MGAT5: variants seen among roughly 807,000 people sequenced by gnomAD.
MGAT5 encodes the protein alpha-1,6-mannosylglycoprotein 6-beta-N-acetylglucosaminyltransferase A.
Under a neutral mutation model 94.3 loss-of-function variants are expected in MGAT5, and 30 were observed. That is an observed-to-expected ratio of 0.32 (90% CI 0.24 to 0.43). The LOEUF is 0.43. MGAT5 is among the 20% of genes least tolerant of loss of function. The probability of loss-of-function intolerance (pLI) is 1.00; values close to 1 mark genes in which losing one functional copy is unlikely to be tolerated. For synonymous variants in MGAT5, 310 were observed against 322.9 expected, an observed-to-expected ratio of 0.96 and a Z score of 0.43; for missense variants, 691 against 905.5, an observed-to-expected ratio of 0.76 and a Z score of 3.04.
intron 1 of MGAT5, among the ~76,000 whole-genome samples, chr2:134,236,541 T>TC (rs796262924): frequency 4.6e-5 from 7 of 151,822 alleles, no homozygotes; most frequent in South Asian, 4.2e-4. Flanking sequence ...ATAGGGACCT[T>TC]CCCCCCCCTT....
intron 2 of MGAT5, among the ~76,000 whole-genome samples, chr2:134,273,878 G>T (rs1684185193): frequency 1.3e-5 from 2 of 152,184 alleles, no homozygotes; most frequent in African/African-American, 4.8e-5. Flanking sequence ...TGAAAAAGCA[G>T]ATTTTTAAAA....
intron 1 of MGAT5, among the ~76,000 whole-genome samples, chr2:134,142,638 G>A (rs1049745578): frequency 3.3e-5 from 5 of 152,214 alleles, no homozygotes; most frequent in African/African-American, 4.8e-5. Flanking sequence ...GGCCTTCTGC[G>A]TTTTTATTGG....
chr2:134,158,797 C>G (rs1338336496), intron 1 of MGAT5, among the ~76,000 whole-genome samples: 2 of 152,192 alleles, frequency 1.3e-5, no homozygotes, highest in African/African-American at 2.4e-5. Flanking sequence ...ATGGATCCCC[C>G]CAAAGAGCTT....
chr2:134,238,892 G>A (rs1432882520), intron 1 of MGAT5, among the ~76,000 whole-genome samples: 5 of 152,160 alleles, frequency 3.3e-5, no homozygotes, highest in South Asian at 2.1e-4. Context: ...GCGGTGAGCC[G>A]AGATCATGCC....
chr2:134,135,360 A>T (rs541708468), intron 1 of MGAT5, among the ~76,000 whole-genome samples: 6 of 152,264 alleles, frequency 3.9e-5, no homozygotes, highest in Admixed American at 3.9e-4. Flanking sequence ...TAGACTAATG[A>T]TTCAGCTGAA....
chr2:134,208,154 T>A (rs1680110134), intron 1 of MGAT5, among the ~76,000 whole-genome samples: 1 of 152,192 alleles, frequency 6.6e-6, no homozygotes, highest in Non-Finnish European at 1.5e-5. Flanking sequence ...TTTTTTTTTT[T>A]TAAGCAGACC....
At chr2:134,132,777 C>T (rs1204056257) in intron 1 of MGAT5, among the ~76,000 whole-genome samples, 1 of 152,210 alleles carries the variant, frequency 6.6e-6, no homozygotes, top group Admixed American at 6.5e-5. Flanking sequence ...TCAAGTGACC[C>T]TTTGGTCTCC....
chr2:134,203,065 A>G (rs1679875072), intron 1 of MGAT5, among the ~76,000 whole-genome samples: 1 of 152,244 alleles, frequency 6.6e-6, no homozygotes, highest in East Asian at 1.9e-4. Flanking sequence ...TGGCTCTATC[A>G]TCAATAATAT....
chr2:134,223,683 T>A (rs1371618616), intron 1 of MGAT5, among the ~76,000 whole-genome samples: 3 of 151,592 alleles, frequency 2.0e-5, no homozygotes, highest in African/African-American at 7.3e-5. Flanking sequence ...TACCTTTTTT[T>A]ATTAAAGAGA....
intron 4 of MGAT5, among the ~76,000 whole-genome samples, chr2:134,326,012 G>A (rs1687619363): frequency 6.6e-6 from 1 of 150,854 alleles, no homozygotes; most frequent in Non-Finnish European, 1.5e-5. Flanking sequence ...ACTTGAGTTG[G>A]GAGGCACATA....
At chr2:134,233,494 G>A (rs1681476784) in intron 1 of MGAT5, among the ~76,000 whole-genome samples, 1 of 152,164 alleles carries the variant, frequency 6.6e-6, no homozygotes, top group African/African-American at 2.4e-5. Context: ...TTTTTTATGT[G>A]TTTCACACAG....
At chr2:134,126,531 T>C (rs2104884644) in intron 1 of MGAT5, among the ~76,000 whole-genome samples, 1 of 152,370 alleles carries the variant, frequency 6.6e-6, no homozygotes, top group South Asian at 2.1e-4. Flanking sequence ...CAGTAGACTC[T>C]CTTTAGCAGG....
At chr2:134,334,554 A>G (rs1310832173) in intron 4 of MGAT5, among the ~76,000 whole-genome samples, 1 of 131,844 alleles carries the variant, frequency 7.6e-6, no homozygotes, top group Non-Finnish European at 1.5e-5. Context: ...GAGGTTAAAG[A>G]TCTCACAATC....
intron 13 of MGAT5, among the ~76,000 whole-genome samples, chr2:134,427,246 G>A (rs769145934): frequency 4.6e-5 from 7 of 152,102 alleles, no homozygotes; most frequent in Non-Finnish European, 7.4e-5. Flanking sequence ...GTGCCCCTCC[G>A]TCTACCCTAT....
intron 1 of MGAT5, among the ~76,000 whole-genome samples, chr2:134,146,764 C>G (rs1442570546): frequency 1.3e-5 from 2 of 152,032 alleles, no homozygotes; most frequent in Non-Finnish European, 2.9e-5. Flanking sequence ...TCTTTCAGCC[C>G]TGGGGACTGG....
At chr2:134,131,580 T>A (rs952112629) in intron 1 of MGAT5, among the ~76,000 whole-genome samples, 134 of 125,440 alleles carry the variant, frequency 1.1e-3, no homozygotes, top group Middle Eastern at 4.0e-3. Flanking sequence ...TGATTTTTTT[T>A]TTTTTTTTTT....
At chr2:134,368,674 C>T (rs2106143926) in intron 10 of MGAT5, among the ~76,000 whole-genome samples, 1 of 152,350 alleles carries the variant, frequency 6.6e-6, no homozygotes, top group Middle Eastern at 3.4e-3. Flanking sequence ...TACTCCTTTG[C>T]TCAGACTCTC....
intron 10 of MGAT5, among the ~76,000 whole-genome samples, chr2:134,371,537 T>TA (rs796636504): frequency 7.9e-5 from 12 of 152,280 alleles, no homozygotes; most frequent in African/African-American, 2.9e-4. Context: ...CCAGCCCAGA[T>TA]ATGGGCCGCT....
At chr2:134,322,407 A>C (rs935474) in intron 4 of MGAT5, among the ~76,000 whole-genome samples, 92,658 of 152,086 alleles carry the variant, frequency 0.61, 30,774 homozygotes, top group Non-Finnish European at 0.73. Flanking sequence ...ATGGTATACA[A>C]CTTGGTGTTT....
Sources: gnomAD v4.1 joint callset for allele counts (sites outside exome capture counted in the v4.1 genomes callset) on GRCh38, gnomAD v4.1.1 for gene constraint, MANE v1.5 for transcripts, NCBI Gene and HGNC (gene_info 2026-07-23, HGNC 2026-07-21) for gene names.